Variants in RLF observed in about 807,000 individuals in gnomAD.
RLF encodes the protein RLF zinc finger, also known as zinc finger protein Rlf.
In RLF, 7 loss-of-function variants were observed where a neutral mutation model predicts 162.9. That is an observed-to-expected ratio of 0.04 (90% CI 0.02 to 0.08). RLF has a LOEUF of 0.08. Ranked by LOEUF, RLF falls within the 10% of genes least tolerant of loss-of-function variation. RLF has a pLI of 1.00. For synonymous variants in RLF, 782 were observed against 791.5 expected (o/e 0.99, Z 0.20); for missense variants, 1,664 against 2,244.7 (o/e 0.74, Z 5.23).
intron 6 of RLF, among the ~76,000 whole-genome samples, chr1:40,228,379 T>A (rs1434468022): frequency 6.8e-6 from 1 of 147,318 alleles, no homozygotes; most frequent in Admixed American, 6.8e-5. Context: ...AGGTCAGGAG[T>A]TCAAGACCAG....
chr1:40,205,440 C>CT (rs1642777602), intron 5 of RLF, among the ~76,000 whole-genome samples: 1 of 149,064 alleles, frequency 6.7e-6, no homozygotes, highest in Non-Finnish European at 1.5e-5. Flanking sequence ...AGCATAATTT[C>CT]TTTAACAAAT....
At chr1:40,169,641 A>T (rs1476652055) in intron 1 of RLF, among the ~76,000 whole-genome samples, 2 of 151,442 alleles carry the variant, frequency 1.3e-5, no homozygotes, top group Admixed American at 6.6e-5. Flanking sequence ...AAAAAAAAAA[A>T]AAAATAAGTG....
chr1:40,212,298 G>T (rs1245551220), intron 5 of RLF, among the ~76,000 whole-genome samples: 2 of 152,194 alleles, frequency 1.3e-5, no homozygotes, highest in Non-Finnish European at 2.9e-5. Context: ...AACCTAGTGG[G>T]TAAAGAGTGA....
intron 2 of RLF, 40 bp from the exon 3 acceptor site, chr1:40,190,732 A>T (rs775967063): frequency 3.9e-6 from 5 of 1,271,650 alleles, no homozygotes; most frequent in Non-Finnish European, 5.7e-6. Flanking sequence ...CTTAATTATT[A>T]CTATAACCAC....
chr1:40,177,483 C>CG (rs1557739217), intron 1 of RLF, among the ~76,000 whole-genome samples: 2 of 151,420 alleles, frequency 1.3e-5, no homozygotes. Flanking sequence ...TTAGTAGAGA[C>CG]GGGGTTTCAT....
Position 40,190,815 on chromosome 1 carries a change from C to T in RLF, c.436C>T (p.Pro146Ser), listed in dbSNP as rs781215700. The part of the protein sequence containing the change: ...LLLSVSESEL[P>S]CEVWLPFLQS... ...GCTTTCAGTGTCTGAAAGTGAACTGCCATGTGAAGTCTGGCTACCATTCCT... is the reference window on the plus strand; with the variant it reads ...GCTTTCAGTGTCTGAAAGTGAACTGTCATGTGAAGTCTGGCTACCATTCCT... Residue 146 changes from proline to serine, a missense_variant, in exon 3 of 8, where the codon CCA (proline) becomes TCA (serine). By Grantham distance (74) the Pro-to-Ser change is moderately conservative. This residue lies in a region of RLF where 287 missense variants were observed against 404.9 expected (regional missense o/e 0.71). Transcript: ENST00000372771. 1 of 1,612,888 alleles carries T rather than the reference C, an allele frequency of 6.2e-7. No individual in the cohort carries two copies. Among genetic ancestry groups the T allele is most frequent in the South Asian group, 1.1e-5 (1 of 90,954 alleles).
At chr1:40,208,693 C>CT (rs11435689) in intron 5 of RLF, among the ~76,000 whole-genome samples, 65,273 of 151,756 alleles carry the variant, frequency 0.43, 15,561 homozygotes, top group African/African-American at 0.65. Flanking sequence ...TGGCATGTGC[C>CT]GTAGTCCCAG....
intron 2 of RLF, among the ~76,000 whole-genome samples, 199 bp downstream of exon 2, chr1:40,189,408 C>T (rs758094876): frequency 6.6e-6 from 1 of 152,166 alleles, no homozygotes; most frequent in Non-Finnish European, 1.5e-5. Flanking sequence ...TCATCTTTAA[C>T]TTGCCTCTAG....
At chr1:40,196,898 T>A (rs1216000898) in intron 4 of RLF, among the ~76,000 whole-genome samples, 1 of 152,244 alleles carries the variant, frequency 6.6e-6, no homozygotes, top group Admixed American at 6.5e-5. Flanking sequence ...AGTATCTTCT[T>A]TGATAGAGCC....
chr1:40,204,019 C>T (rs906535791), intron 5 of RLF, among the ~76,000 whole-genome samples: 1 of 150,812 alleles, frequency 6.6e-6, no homozygotes, highest in Non-Finnish European at 1.5e-5. Context: ...TCTCAAAGAG[C>T]GAGAGGTCCT....
intron 1 of RLF, among the ~76,000 whole-genome samples, chr1:40,169,533 G>A (rs1233576138): frequency 6.8e-6 from 1 of 147,966 alleles, no homozygotes; most frequent in Non-Finnish European, 1.5e-5. Context: ...GGAGAATGGC[G>A]TGAACCCGGG....
At chr1:40,205,757 C>G (rs558731531) in intron 5 of RLF, among the ~76,000 whole-genome samples, 2 of 152,280 alleles carry the variant, frequency 1.3e-5, no homozygotes, top group South Asian at 4.1e-4. Context: ...TCCCAAAGTG[C>G]TGGGATTACA....
At chr1:40,232,494 A>G (rs1643165218) in intron 7 of RLF, among the ~76,000 whole-genome samples, 1 of 152,148 alleles carries the variant, frequency 6.6e-6, no homozygotes, top group African/African-American at 2.4e-5. Flanking sequence ...GTTCTATCAG[A>G]GGCTCTGTGG....
chr1:40,194,396 T>C (rs929696084), intron 3 of RLF, among the ~76,000 whole-genome samples: 2 of 152,182 alleles, frequency 1.3e-5, no homozygotes, highest in Non-Finnish European at 2.9e-5. Context: ...CTCAACACTT[T>C]GGGAGGCTGA....
chr1:40,223,363 A>G (rs1313467472), intron 6 of RLF, among the ~76,000 whole-genome samples: 1 of 152,186 alleles, frequency 6.6e-6, no homozygotes, highest in African/African-American at 2.4e-5. Flanking sequence ...TAAGTATCAG[A>G]TTAGTGGTAT....
chr1:40,230,458 G>A (rs1643138300), intron 6 of RLF, among the ~76,000 whole-genome samples: 1 of 152,006 alleles, frequency 6.6e-6, no homozygotes, highest in African/African-American at 2.4e-5. Context: ...TTGAGATGGA[G>A]TCTTGCTCTG....
chr1:40,175,637 A>G (rs956151003), intron 1 of RLF, among the ~76,000 whole-genome samples: 1 of 151,912 alleles, frequency 6.6e-6, no homozygotes, highest in African/African-American at 2.4e-5. Flanking sequence ...CGACAGAGTG[A>G]GACTCCGACT....
At chr1:40,229,801 G>A (rs1217236279) in intron 6 of RLF, among the ~76,000 whole-genome samples, 1 of 151,882 alleles carries the variant, frequency 6.6e-6, no homozygotes, top group Admixed American at 6.6e-5. Context: ...TCTTTGAAGC[G>A]AGTTTTATAA....
chr1:40,198,365 C>G (rs1484846120), intron 4 of RLF, among the ~76,000 whole-genome samples: 1 of 123,136 alleles, frequency 8.1e-6, no homozygotes, highest in African/African-American at 3.1e-5. Context: ...AGTGCAATGG[C>G]GTGATCTCGG....
Sources: allele counts gnomAD v4.1 joint callset (sites outside exome capture counted in the v4.1 genomes callset), GRCh38; gene constraint gnomAD v4.1.1; regional missense constraint gnomAD v4.1.1; transcripts MANE v1.5; gene names NCBI Gene and HGNC (gene_info 2026-07-23, HGNC 2026-07-21).